Variants in COX7A2 observed in about 807,000 individuals in gnomAD.
COX7A2 encodes the protein cytochrome c oxidase subunit 7A2, mitochondrial.
Under a neutral mutation model 11.6 loss-of-function variants are expected in COX7A2, and 11 were observed. The ratio of observed to expected loss-of-function variants is 0.95; its 90% confidence interval spans 0.60 to 1.57. COX7A2 has a LOEUF of 1.57. Among genes scored for constraint, COX7A2 ranks in the 40% most tolerant of loss-of-function variants. The pLI, the probability that COX7A2 is intolerant of heterozygous loss-of-function variation, is 0.00. For synonymous variants in COX7A2, 30 were observed against 38.2 expected, an observed-to-expected ratio of 0.78 and a Z score of 0.79; for missense variants, 106 against 100.9, an observed-to-expected ratio of 1.05 and a Z score of -0.22.
At chr6:75,248,519 G>A (rs240427), upstream of COX7A2, among the ~76,000 whole-genome samples, 134,389 of 152,244 alleles carry the variant, frequency 0.88, 59,876 homozygotes, top group Non-Finnish European at 0.95. Context: ...GAGTTGTCCC[G>A]CCTTTCTGAA....
chr6:75,240,421 A>C, intron 2 of COX7A2, 36 bp from the exon 3 acceptor site: 4 of 1,392,486 alleles, frequency 2.9e-6, no homozygotes, highest in Non-Finnish European at 2.9e-6. Context: ...ACAATAATAA[A>C]TGTCTCACTC....
rs765095440 is a variant in COX7A2 at position 75,243,756 on chromosome 6, A to G, written c.-22T>C. ...GCATCTTGGCTGTTACTGACCAGCA[A>G]CCGCCACAACTGAACACCACCAACG... On this transcript the variant is annotated 5_prime_UTR_variant, in exon 1 of 4. Transcript: ENST00000684430. The G allele has an allele frequency of 5.1e-5, 83 of 1,613,420 alleles. No homozygotes were observed. The Middle Eastern group carries it at 6.6e-4, about 13-fold the overall frequency.
Position 75,237,889 on chromosome 6 carries a change from C to A in COX7A2, c.*41G>T. On this transcript the variant is annotated 3_prime_UTR_variant, in exon 4 of 4. Coordinates refer to ENST00000684430, the MANE Select transcript of COX7A2 (RefSeq NM_001366293.2). ...TATCAGATTACTGGTCCATAGAGAGCTGAATGAAACTGAACCAAGCGATTG... is the reference window on the plus strand; with the variant it reads ...TATCAGATTACTGGTCCATAGAGAGATGAATGAAACTGAACCAAGCGATTG... 1 of 1,515,436 alleles carries A rather than the reference C, an allele frequency of 6.6e-7. No homozygotes were observed. Among genetic ancestry groups the A allele is most frequent in the Non-Finnish European group, 9.1e-7 (1 of 1,094,036 alleles). The allele number at this position is 1,515,436 out of a possible 1,614,324, so 93.9% of individuals were successfully genotyped here.
chr6:75,241,129 G>A (rs781057381), intron 2 of COX7A2, 47 bp downstream of exon 2: 2 of 1,560,466 alleles, frequency 1.3e-6, no homozygotes, highest in Non-Finnish European at 1.8e-6. Flanking sequence ...TTACCTTTTG[G>A]TAATCTAATA....
intron 3 of COX7A2, among the ~76,000 whole-genome samples, chr6:75,238,290 G>A (rs1434339385): frequency 6.6e-6 from 1 of 151,774 alleles, no homozygotes; most frequent in Non-Finnish European, 1.5e-5. Context: ...GACTGCCTGA[G>A]AAATGCTAAG....
chr6:75,244,291 C>G (rs143285442), upstream of COX7A2, among the ~76,000 whole-genome samples: 539 of 152,310 alleles, frequency 3.5e-3, 3 homozygotes, highest in African/African-American at 0.012. Flanking sequence ...TGAGAATATG[C>G]TGTAAGAGCT....
chr6:75,243,968 C>T (rs556742787), upstream of COX7A2: 7 of 716,656 alleles, frequency 9.8e-6, no homozygotes, highest in East Asian at 1.7e-4. Flanking sequence ...TCGTTCCTGA[C>T]CTTTTCGATG....
chr6:75,245,916 C>T (rs1049945500), upstream of COX7A2, among the ~76,000 whole-genome samples: 1 of 152,186 alleles, frequency 6.6e-6, no homozygotes, highest in Non-Finnish European at 1.5e-5. Context: ...TAGTTTGAAG[C>T]ATGGTCTTAA....
chr6:75,241,331 G>T, intron 1 of COX7A2, 66 bp from the exon 2 acceptor site: 7 of 1,340,010 alleles, frequency 5.2e-6, no homozygotes, highest in Non-Finnish European at 7.0e-6. Flanking sequence ...ACTATTTTCA[G>T]TCGTTCATAT....
intron 1 of COX7A2, among the ~76,000 whole-genome samples, chr6:75,249,223 G>A (rs573268482): frequency 6.6e-6 from 1 of 152,306 alleles, no homozygotes; most frequent in African/African-American, 2.4e-5. Flanking sequence ...GTGACAGAGT[G>A]AGACTCCGTC....
intron 2 of COX7A2, chr6:75,240,686 A>T (rs1582260691): frequency 4.2e-6 from 1 of 235,890 alleles, no homozygotes; most frequent in East Asian, 9.2e-5. Flanking sequence ...CACTGATCTC[A>T]ACAACTTTAA....
At chr6:75,249,530 A>T (rs1301536357) in intron 1 of COX7A2, among the ~76,000 whole-genome samples, 2 of 152,240 alleles carry the variant, frequency 1.3e-5, no homozygotes, top group Admixed American at 1.3e-4. Context: ...TTTAAAATGG[A>T]GATAACAGTA....
At chr6:75,245,152 T>A (rs1191528515), upstream of COX7A2, among the ~76,000 whole-genome samples, 1 of 152,184 alleles carries the variant, frequency 6.6e-6, no homozygotes, top group African/African-American at 2.4e-5. Context: ...ATACATCAAT[T>A]AATTACATTG....
At chr6:75,241,116 C>T (rs1771488235) in intron 2 of COX7A2, 60 bp downstream of exon 2, 13 of 1,556,578 alleles carry the variant, frequency 8.4e-6, no homozygotes, top group South Asian at 1.2e-5. Context: ...TTTATCCCAA[C>T]TCTTACCTTT....
At position 75,243,781 on chromosome 6, in the gene COX7A2, G is replaced by C. The variant is rs200753352; in HGVS notation, c.-47C>G. On this transcript the variant is annotated 5_prime_UTR_variant, in exon 1 of 4. Transcript: ENST00000684430. ...ACCGCCACAACTGAACACCACCAAC[G>C]AAAATGGCCACGCCGGAACCGGAAC... 6.8e-6 allele frequency: 11 copies of C among 1,613,950 alleles called. No homozygotes were observed. The South Asian group carries it at 1.2e-4, about 18-fold the overall frequency.
intron 1 of COX7A2, among the ~76,000 whole-genome samples, chr6:75,248,977 G>A (rs1456218131): frequency 6.6e-6 from 1 of 152,188 alleles, no homozygotes; most frequent in East Asian, 1.9e-4. Flanking sequence ...TTTGGGCCGG[G>A]CACGGATTAT....
exon 1 of COX7A2, chr6:75,250,267 C>A (rs905748998): frequency 6.6e-6 from 1 of 152,046 alleles, no homozygotes; most frequent in Non-Finnish European, 1.5e-5. Context: ...GATGTCAAGG[C>A]ACAAGAAAAG....
At chr6:75,243,570 T>A in intron 1 of COX7A2, 147 bp downstream of exon 1, 3 of 712,512 alleles carry the variant, frequency 4.2e-6, no homozygotes, top group Non-Finnish European at 7.3e-6. Flanking sequence ...GAAGGGAAAG[T>A]AAGGTCAGGG....
upstream of COX7A2, among the ~76,000 whole-genome samples, chr6:75,247,516 AAC>A (rs1771705608): frequency 6.6e-6 from 1 of 152,210 alleles, no homozygotes; most frequent in Admixed American, 6.5e-5. Context: ...GACATCAGGA[AAC>A]AGTTGCTATC....
Sources: allele counts gnomAD v4.1 joint callset (sites outside exome capture counted in the v4.1 genomes callset), GRCh38; gene constraint gnomAD v4.1.1; transcripts MANE v1.5; gene names NCBI Gene and HGNC (gene_info 2026-07-23, HGNC 2026-07-21).